The following RTF1 variants were observed in gnomAD, a reference collection of about 807,000 sequenced individuals.
RTF1 encodes the protein RNA polymerase-associated protein RTF1 homolog.
In RTF1, 10 loss-of-function variants were observed where a neutral mutation model predicts 95.7. The observed-to-expected ratio is 0.10, with a 90% CI of 0.06 to 0.18. The LOEUF (loss-of-function observed/expected upper bound fraction) is 0.18, where lower values mean the gene tolerates loss of function less well. Among genes scored for constraint, RTF1 ranks in the 10% least tolerant of loss-of-function variants. The pLI is 1.00. For missense variants in RTF1, 458 were observed against 875.6 expected (o/e 0.52, Z 6.02); for synonymous variants, 305 against 311.8 (o/e 0.98, Z 0.23).
At chr15:41,443,538 T>G (rs866839247) in intron 2 of RTF1, among the ~76,000 whole-genome samples, 5 of 151,620 alleles carry the variant, frequency 3.3e-5, no homozygotes, top group Admixed American at 2.6e-4. Context: ...CAAGAGTGAT[T>G]GGAAGGGAAG....
intron 3 of RTF1, among the ~76,000 whole-genome samples, chr15:41,456,849 G>A (rs1268434045): frequency 6.6e-6 from 1 of 151,768 alleles, no homozygotes; most frequent in Non-Finnish European, 1.5e-5. Flanking sequence ...ACTTTGAGAG[G>A]CCAAGGTGGG....
At chr15:41,449,324 G>A (rs1025163790) in intron 2 of RTF1, among the ~76,000 whole-genome samples, 13 of 143,666 alleles carry the variant, frequency 9.0e-5, no homozygotes, top group African/African-American at 3.1e-4. Flanking sequence ...TCCGCCTCCC[G>A]GGTTCACACC....
chr15:41,417,332 G>A lies in RTF1; in HGVS notation c.198+19G>A. ...GGATCAGGTGAGGGCAGGCCGCGGAGGCGCGGGCCGGCGGAGCCAGAGGGC... is the reference window on the plus strand; with the variant it reads ...GGATCAGGTGAGGGCAGGCCGCGGAAGCGCGGGCCGGCGGAGCCAGAGGGC... On this transcript the variant is annotated intron_variant, in intron 1 of 17. Coordinates refer to ENST00000389629, the MANE Select transcript of RTF1 (RefSeq NM_015138.5). 3 of 1,246,086 alleles carry A rather than the reference G, an allele frequency of 2.4e-6. No individual in the cohort carries two copies. Among genetic ancestry groups the A allele is most frequent in the Non-Finnish European group, 2.0e-6 (2 of 987,746 alleles). The allele number at this position is 1,246,086 out of a possible 1,614,324, so 77.2% of individuals were successfully genotyped here.
chr15:41,452,482 C>T (rs1157384218), intron 2 of RTF1, among the ~76,000 whole-genome samples: 1 of 151,838 alleles, frequency 6.6e-6, no homozygotes, highest in East Asian at 1.9e-4. Flanking sequence ...GTCTGTAATC[C>T]CAGCACTTTG....
At chr15:41,434,962 C>T (rs1460636926) in intron 1 of RTF1, among the ~76,000 whole-genome samples, 1 of 131,736 alleles carries the variant, frequency 7.6e-6, no homozygotes, top group East Asian at 2.3e-4. Flanking sequence ...TACAGTAACT[C>T]TTTTTTTTTT....
intron 1 of RTF1, among the ~76,000 whole-genome samples, chr15:41,422,818 C>T (rs1413988437): frequency 6.6e-6 from 1 of 152,198 alleles, no homozygotes; most frequent in Non-Finnish European, 1.5e-5. Flanking sequence ...CTCTGTCACC[C>T]AGGCTGGAGT....
At chr15:41,446,241 T>C (rs540598704) in intron 2 of RTF1, among the ~76,000 whole-genome samples, 2 of 152,164 alleles carry the variant, frequency 1.3e-5, no homozygotes, top group East Asian at 1.9e-4. Flanking sequence ...ATCTGAACTT[T>C]TTTTCCCCCA....
chr15:41,460,538 G>A (rs190312740), intron 4 of RTF1, among the ~76,000 whole-genome samples: 167 of 152,268 alleles, frequency 1.1e-3, no homozygotes, highest in Non-Finnish European at 9.6e-4. Flanking sequence ...CTGAACTGTG[G>A]AAAGCATAGT....
intron 2 of RTF1, among the ~76,000 whole-genome samples, chr15:41,447,452 G>T (rs2050769404): frequency 6.6e-6 from 1 of 152,128 alleles, no homozygotes; most frequent in African/African-American, 2.4e-5. Flanking sequence ...TGACATGGGG[G>T]AATATAGTAC....
chr15:41,466,326 C>T, intron 6 of RTF1, 74 bp downstream of exon 6: 1 of 981,686 alleles, frequency 1.0e-6, no homozygotes, highest in Non-Finnish European at 1.5e-6. Context: ...TTCATTTTGC[C>T]CTCTTGTTAT....
chr15:41,464,256 C>CT (rs764013297), intron 4 of RTF1, among the ~76,000 whole-genome samples: 2,295 of 140,606 alleles, frequency 0.016, 33 homozygotes, highest in African/African-American at 0.041. Flanking sequence ...CTTTCTCTCT[C>CT]TTTTTTTTTT....
intron 3 of RTF1, among the ~76,000 whole-genome samples, chr15:41,455,714 A>G (rs1453921554): frequency 6.6e-6 from 1 of 151,574 alleles, no homozygotes; most frequent in African/African-American, 2.4e-5. Context: ...CTGAGCCCCA[A>G]GAATCGCTTA....
At chr15:41,459,380 A>G (rs1290848572) in intron 4 of RTF1, among the ~76,000 whole-genome samples, 2 of 152,178 alleles carry the variant, frequency 1.3e-5, no homozygotes, top group Non-Finnish European at 2.9e-5. Context: ...TGTGTCAAAA[A>G]AAAGGGAGGG....
At chr15:41,432,825 G>C (rs28416360) in intron 1 of RTF1, among the ~76,000 whole-genome samples, 1 of 151,884 alleles carries the variant, frequency 6.6e-6, no homozygotes, top group East Asian at 1.9e-4. Context: ...TGTAATCCCA[G>C]CTACTTGGGA....
At chr15:41,435,844 T>C (rs2050699003) in intron 1 of RTF1, among the ~76,000 whole-genome samples, 1 of 152,206 alleles carries the variant, frequency 6.6e-6, no homozygotes, top group South Asian at 2.1e-4. Context: ...TACTAGTGTT[T>C]ATTAGCTGTA....
At chr15:41,470,883 C>A (rs2050908200) in intron 7 of RTF1, among the ~76,000 whole-genome samples, 1 of 152,016 alleles carries the variant, frequency 6.6e-6, no homozygotes. Flanking sequence ...TGGTCTCGAT[C>A]TCCTGACCTC....
intron 4 of RTF1, among the ~76,000 whole-genome samples, 183 bp from the exon 5 acceptor site, chr15:41,464,588 T>C (rs1001064688): frequency 3.9e-5 from 6 of 152,178 alleles, no homozygotes. Context: ...TCAAATATTT[T>C]ATATTTTGTT....
chr15:41,438,249 TG>T, intron 1 of RTF1, 71 bp from the exon 2 acceptor site: 1 of 990,478 alleles, frequency 1.0e-6, no homozygotes, highest in Non-Finnish European at 1.5e-6. Flanking sequence ...CTAGAGAGGG[TG>T]GGCATTTTAT....
rs143376639 is a variant in RTF1, at chr15:41,457,814, A to G, written c.600A>G (p.Thr200=). 5 of 1,614,034 alleles carry G rather than the reference A, an allele frequency of 3.1e-6. No individual in the cohort carries two copies. The African/African-American group carries it at 5.3e-5, about 17-fold the overall frequency. ...ACAGGGCCCGTCTGGAACAGATGAC[A>G]GAGAAAGAGAGAGAGCAAGAACTGT... The part of the protein sequence containing the change: ...EEDRARLEQM[T]EKEREQELFN... Residue 200 remains threonine, a synonymous_variant, in exon 4 of 18, where the codon ACA becomes ACG. Coordinates refer to ENST00000389629, the MANE Select transcript of RTF1 (RefSeq NM_015138.5).
Sources: allele counts gnomAD v4.1 joint callset (sites outside exome capture counted in the v4.1 genomes callset), GRCh38; gene constraint gnomAD v4.1.1; transcripts MANE v1.5; gene names NCBI Gene and HGNC (gene_info 2026-07-23, HGNC 2026-07-21).